NAMPT: variants seen among roughly 807,000 people sequenced by gnomAD.
NAMPT encodes NAmPRTase.
In NAMPT, 7 loss-of-function variants were observed where a neutral mutation model predicts 58.7. The ratio of observed to expected loss-of-function variants is 0.12; its 90% CI spans 0.07 to 0.22. The LOEUF is 0.22. Among genes scored for constraint, NAMPT ranks in the 10% least tolerant of loss-of-function variants. The pLI is 1.00. For synonymous variants in NAMPT, 145 were observed against 198.1 expected, an observed-to-expected ratio of 0.73 and a Z score of 2.25; for missense variants, 271 against 567.9, an observed-to-expected ratio of 0.48 and a Z score of 5.31.
At chr7:106,278,884 C>G (rs982903415) in intron 1 of NAMPT, among the ~76,000 whole-genome samples, 3 of 152,122 alleles carry the variant, frequency 2.0e-5, no homozygotes, top group Non-Finnish European at 2.9e-5. Flanking sequence ...AAGTCTGATT[C>G]ATAGTTTTAT....
intron 3 of NAMPT, among the ~76,000 whole-genome samples, chr7:106,273,231 A>G (rs560177817): frequency 6.6e-6 from 1 of 152,334 alleles, no homozygotes; most frequent in African/African-American, 2.4e-5. Flanking sequence ...AATCTTGGCA[A>G]TTAACACTCG....
At chr7:106,285,541 C>T, upstream of NAMPT, 1 of 986,156 alleles carries the variant, frequency 1.0e-6, no homozygotes, top group Non-Finnish European at 1.2e-6. Flanking sequence ...AGTTACTCAC[C>T]TTTGTCTCCG....
At chr7:106,281,475 T>G (rs1428445906) in intron 1 of NAMPT, among the ~76,000 whole-genome samples, 1 of 152,138 alleles carries the variant, frequency 6.6e-6, no homozygotes, top group Admixed American at 6.5e-5. Flanking sequence ...GCTGTATATG[T>G]AAGATCACAT....
intron 3 of NAMPT, 115 bp from the exon 4 acceptor site, chr7:106,272,773 C>T: frequency 9.0e-7 from 1 of 1,105,618 alleles, no homozygotes; most frequent in Non-Finnish European, 1.3e-6. Context: ...ATAGAAATTG[C>T]AATTGTAGAT....
At chr7:106,253,927 C>T (rs546645248) in intron 9 of NAMPT, among the ~76,000 whole-genome samples, 1 of 152,238 alleles carries the variant, frequency 6.6e-6, no homozygotes, top group East Asian at 1.9e-4. Flanking sequence ...ACTTGCCTAG[C>T]TGTTCTATGG....
chr7:106,285,420 G>T (rs1028014457), upstream of NAMPT: 4 of 577,344 alleles, frequency 6.9e-6, no homozygotes, highest in Non-Finnish European at 6.6e-6. Flanking sequence ...CCCCGCCTGG[G>T]ACCTTCCGTC....
intron 8 of NAMPT, among the ~76,000 whole-genome samples, chr7:106,258,956 G>C (rs1792257122): frequency 6.6e-6 from 1 of 152,164 alleles, no homozygotes; most frequent in Admixed American, 6.5e-5. Flanking sequence ...ATGCTGTTTG[G>C]TACGATAGCG....
At chr7:106,264,899 G>T (rs1293890406) in intron 6 of NAMPT, among the ~76,000 whole-genome samples, 1 of 151,256 alleles carries the variant, frequency 6.6e-6, no homozygotes, top group East Asian at 1.9e-4. Context: ...TTTTTTAAAG[G>T]ACTAGACTTA....
intron 1 of NAMPT, among the ~76,000 whole-genome samples, chr7:106,278,474 A>G (rs1388094447): frequency 6.6e-6 from 1 of 152,160 alleles, no homozygotes; most frequent in Non-Finnish European, 1.5e-5. Context: ...GGTACAGGGA[A>G]GACTCATCAA....
In NAMPT at chr7:106,266,207, T is replaced by C. The variant is rs56170978; in HGVS notation, c.743+2257A>G. Among the ~76,000 whole-genome samples, 668 of 152,284 alleles carry C rather than the reference T, an allele frequency of 4.4e-3. 4 individuals carry two copies. Among genetic ancestry groups the C allele is most frequent in the Non-Finnish European group, 6.6e-3 (452 of 68,016 alleles). The stretch of plus-strand genomic sequence containing the variant: ...ATTCTATTAAGAACATGTGAGGCAT[T>C]TGAATATATAAGGAGTCAAATTTTA... On this transcript the variant is annotated intron_variant, in intron 6 of 10. Coordinates refer to ENST00000222553, the MANE Select transcript of NAMPT (RefSeq NM_005746.3).
At chr7:106,258,001 C>T (rs974685217) in intron 8 of NAMPT, among the ~76,000 whole-genome samples, 1 of 152,220 alleles carries the variant, frequency 6.6e-6, no homozygotes, top group Non-Finnish European at 1.5e-5. Context: ...TTCAGCTGAG[C>T]TAAGGGGAAA....
rs763147417 is a variant in NAMPT, at chr7:106,276,957, T to TAAAAGAACTCCTAAAGGAGTTAA, written c.214+43_214+65dup. On this transcript the variant is annotated intron_variant, in intron 2 of 10. Coordinates refer to ENST00000222553, the MANE Select transcript of NAMPT (RefSeq NM_005746.3). ...AAATTAACAGATTTGTTAAAAATTC[T>TAAAAGAACTCCTAAAGGAGTTAA]AAAAGAACTCCTAAAGGAGTTAAGA... is the stretch of plus-strand genomic sequence containing the variant. The TAAAAGAACTCCTAAAGGAGTTAA allele has an allele frequency of 9.0e-4, 1,151 of 1,282,372 alleles. 2 individuals carry two copies. Among genetic ancestry groups the TAAAAGAACTCCTAAAGGAGTTAA allele is most frequent in the Non-Finnish European group, 1.1e-3 (1,000 of 898,698 alleles). The allele number at this position is 1,282,372 out of a possible 1,614,324, so 79.4% of individuals were successfully genotyped here. A position where few individuals can be genotyped will look rare whatever the true frequency, so the allele number is the denominator to read the frequency against.
chr7:106,279,788 AGAT>A (rs1303615206), intron 1 of NAMPT, among the ~76,000 whole-genome samples: 2 of 152,230 alleles, frequency 1.3e-5, no homozygotes, highest in Non-Finnish European at 2.9e-5. Context: ...AGATCAAGAT[AGAT>A]GCTATGAAAA....
chr7:106,263,631 T>G lies in NAMPT; in HGVS notation c.744-14A>C. ...GCTGTTATGGTACTAGAAAAAAAAA[T>G]GAAAACACAGATTTACTTAGGCAGA... On this transcript the variant is annotated splice_polypyrimidine_tract_variant and intron_variant, in intron 6 of 10. Coordinates refer to ENST00000222553, the MANE Select transcript of NAMPT (RefSeq NM_005746.3). The G allele has an allele frequency of 1.3e-6, 2 of 1,579,674 alleles. No homozygotes were observed. The highest frequency in any genetic ancestry group is 8.7e-7 in the Non-Finnish European group (1 of 1,149,578).
At chr7:106,265,968 T>TTTAGATAG (rs1311958723) in intron 6 of NAMPT, among the ~76,000 whole-genome samples, 4 of 152,324 alleles carry the variant, frequency 2.6e-5, no homozygotes, top group Admixed American at 2.6e-4. Context: ...TTTAAAGTTA[T>TTTAGATAG]TTAGATAGTA....
At chr7:106,259,310 TG>T (rs1286519774) in intron 8 of NAMPT, among the ~76,000 whole-genome samples, 1 of 149,094 alleles carries the variant, frequency 6.7e-6, no homozygotes, top group Non-Finnish European at 1.5e-5. Context: ...CTGTGAAGGT[TG>T]GAATCAATTT....
At position 106,275,053 on chromosome 7, in the gene NAMPT, G is replaced by A. The variant is rs2115809653; in HGVS notation, c.215-4C>T. ...TTCTCTTTGGTTACTACTTTACCTA[G>A]AAGAATATACATGTCCTGTTTACAT... On this transcript the variant is annotated splice_region_variant and splice_polypyrimidine_tract_variant and intron_variant, in intron 2 of 10. Transcript: ENST00000222553. 1 of 1,546,946 alleles carries A rather than the reference G, an allele frequency of 6.5e-7. No individual in the cohort carries two copies.
chr7:106,253,108 G>A lies in NAMPT; in HGVS notation c.1274C>T (p.Ser425Phe). 1 of 1,613,132 alleles carries A rather than the reference G, an allele frequency of 6.2e-7. No individual in the cohort carries two copies. Among genetic ancestry groups the A allele is most frequent in the Non-Finnish European group, 8.5e-7 (1 of 1,179,418 alleles). ...ATGTAAAGATAATCGGCCCTTTTTG[G>A]ACCTTTTGTTGGGATCAGCAACTGG... ...KDPVADPNKR[S>F]KKGRLSLHRT... The change falls in exon 10 of 11, where the codon TCC becomes TTC. Residue 425 changes from serine (S) to phenylalanine (F), a missense_variant. Physicochemically the swap from Ser to Phe is radical, Grantham distance 155. Transcript: ENST00000222553.
intron 1 of NAMPT, among the ~76,000 whole-genome samples, chr7:106,283,303 C>G (rs1376758072): frequency 6.6e-6 from 1 of 151,822 alleles, no homozygotes; most frequent in Non-Finnish European, 1.5e-5. Context: ...TAACTAAAAG[C>G]ACCCCAGAAA....
Sources: allele counts gnomAD v4.1 joint callset (sites outside exome capture counted in the v4.1 genomes callset), GRCh38; gene constraint gnomAD v4.1.1; transcripts MANE v1.5; gene names NCBI Gene and HGNC (gene_info 2026-07-23, HGNC 2026-07-21).